TES: variants seen among roughly 807,000 people sequenced by gnomAD.
The protein encoded by TES is testin LIM domain protein, also known as testin.
In TES, 41 loss-of-function variants were observed where a neutral mutation model predicts 48.2. The observed-to-expected ratio is 0.85, with a 90% CI of 0.66 to 1.10. The LOEUF (loss-of-function observed/expected upper bound fraction) is 1.10. Ranked by LOEUF, TES falls within the 50% of genes least tolerant of loss-of-function variation. The probability of loss-of-function intolerance (pLI) is 0.00; values close to 1 mark genes in which losing one functional copy is unlikely to be tolerated. For missense variants in TES, 463 were observed against 515.1 expected, an observed-to-expected ratio of 0.90 and a Z score of 0.98; for synonymous variants, 162 against 174.9, an observed-to-expected ratio of 0.93 and a Z score of 0.58.
intron 2 of TES, among the ~76,000 whole-genome samples, chr7:116,242,985 C>T (rs1420935995): frequency 6.6e-6 from 1 of 151,948 alleles, no homozygotes; most frequent in East Asian, 1.9e-4. Context: ...GGGTTTGTTC[C>T]CCCCATGCCT....
At chr7:116,255,001 A>G (rs1181946933) in intron 6 of TES, 4 of 150,606 alleles carry the variant, frequency 2.7e-5, no homozygotes, top group East Asian at 2.0e-4. Context: ...TTTCATCTTA[A>G]AGAGAGAAAA....
intron 2 of TES, among the ~76,000 whole-genome samples, 153 bp downstream of exon 2, chr7:116,234,772 T>TTCTG (rs1799745559): frequency 6.6e-6 from 1 of 152,038 alleles, no homozygotes; most frequent in Middle Eastern, 3.4e-3. Flanking sequence ...ATAAAAAGTG[T>TTCTG]TCTGTCTTAC....
Position 116,250,439 on chromosome 7 carries a change from C to G in TES, c.645C>G (p.Thr215=), listed in dbSNP as rs751569919. 6.2e-7 allele frequency: 1 copy of G among 1,600,548 alleles called. No homozygotes were observed. The highest frequency in any genetic ancestry group is 8.5e-7 in the Non-Finnish European group (1 of 1,174,050). Residue 215 remains threonine, a synonymous_variant, in exon 4 of 7, where the codon ACC becomes ACG. Transcript: ENST00000358204. ...ACATTCCTGGAGGGGATAGAAGCAC[C>G]CCAGCAGCAGTGGGGGCCATGGAGG... ...QMNIPGGDRS[T]PAAVGAMEDK...
At chr7:116,255,223 GCT>G (rs1375947719) in intron 6 of TES, 1 of 152,168 alleles carries the variant, frequency 6.6e-6, no homozygotes, top group African/African-American at 2.4e-5. Flanking sequence ...GGTGTCATTA[GCT>G]CTTTTACATC....
intron 2 of TES, chr7:116,238,078 G>A (rs1284718615): frequency 6.6e-6 from 1 of 152,124 alleles, no homozygotes; most frequent in Non-Finnish European, 1.5e-5. Context: ...AAGTTGTTAG[G>A]AATCATTTTC....
rs532588179 is a variant in TES, at chr7:116,249,222, A to C, written c.316A>C (p.Ile106Leu). The C allele has an allele frequency of 2.5e-6, 4 of 1,614,112 alleles. No individual in the cohort carries two copies. The South Asian group carries it at 4.4e-5, about 18-fold the overall frequency. The change falls in exon 3 of 7, where the codon ATC becomes CTC. Residue 106 changes from isoleucine to leucine, a missense_variant. Physicochemically the swap from Ile to Leu is conservative, Grantham distance 5 (BLOSUM62 2). Transcript: ENST00000358204. ...AGTTGCTGCCAAGAAGAATGTCTCC[A>C]TCAATACAGTTACCTATGAGTGGGC... is the stretch of plus-strand genomic sequence containing the variant. ...NPVAAKKNVSINTVTYEWAPP... is the reference protein window; with the variant it reads ...NPVAAKKNVSLNTVTYEWAPP...
Position 116,257,507 on chromosome 7 carries a change from G to A in TES, c.*25G>A, listed in dbSNP as rs1563017505. On this transcript the variant is annotated 3_prime_UTR_variant, in exon 7 of 7. Transcript: ENST00000358204. ...GGAGGAGGGCACCCAGAAGTATCGA[G>A]CCATAGCTATCCAAAGTGGTCTGCA... 6 of 1,544,172 alleles carry A rather than the reference G, an allele frequency of 3.9e-6. No homozygotes were observed. Among genetic ancestry groups the A allele is most frequent in the Middle Eastern group, 1.8e-4 (1 of 5,618 alleles).
At chr7:116,221,506 A>C (rs1799557528) in intron 1 of TES, among the ~76,000 whole-genome samples, 1 of 152,158 alleles carries the variant, frequency 6.6e-6, no homozygotes, top group South Asian at 2.1e-4. Flanking sequence ...TACTTGGATC[A>C]GTAGAATGTG....
chr7:116,237,578 C>T (rs1799788220), intron 2 of TES, among the ~76,000 whole-genome samples: 1 of 152,116 alleles, frequency 6.6e-6, no homozygotes, highest in South Asian at 2.1e-4. Context: ...AAAACCCTAC[C>T]TCCCACCACT....
chr7:116,234,469 A>C, intron 1 of TES, 65 bp from the exon 2 acceptor site: 1 of 1,424,428 alleles, frequency 7.0e-7, no homozygotes, highest in South Asian at 1.2e-5. Flanking sequence ...TAAAAGTGCA[A>C]TTTATTGAAT....
intron 1 of TES, among the ~76,000 whole-genome samples, chr7:116,223,226 G>T (rs1015898686): frequency 2.0e-5 from 3 of 152,064 alleles, no homozygotes; most frequent in Non-Finnish European, 4.4e-5. Flanking sequence ...ATATTGTAAG[G>T]TTACATATTA....
At chr7:116,230,786 C>T (rs1333786742) in intron 1 of TES, among the ~76,000 whole-genome samples, 1 of 149,308 alleles carries the variant, frequency 6.7e-6, no homozygotes, top group Non-Finnish European at 1.5e-5. Flanking sequence ...TTTTTTGGCT[C>T]TTCCTTTGCC....
chr7:116,215,292 T>TA (rs1159145321), intron 1 of TES, among the ~76,000 whole-genome samples: 1 of 152,152 alleles, frequency 6.6e-6, no homozygotes, highest in African/African-American at 2.4e-5. Context: ...ATAACTGTTA[T>TA]AAAAAGAGAA....
chr7:116,217,835 T>G, intron 1 of TES: 1 of 516,612 alleles, frequency 1.9e-6, no homozygotes, highest in East Asian at 5.5e-5. Context: ...AGAGCTGCCA[T>G]TTAGCATGGT....
At chr7:116,210,886 C>A in intron 1 of TES, 152 bp downstream of exon 1, 1 of 553,172 alleles carries the variant, frequency 1.8e-6, no homozygotes, top group South Asian at 9.2e-5. Flanking sequence ...AGGGACCTGG[C>A]CCCCTGGGTA....
chr7:116,235,678 G>C (rs1799760912), intron 2 of TES, among the ~76,000 whole-genome samples: 1 of 151,748 alleles, frequency 6.6e-6, no homozygotes, highest in Admixed American at 6.5e-5. Flanking sequence ...AGAATTAGCA[G>C]GAAAAAAAAA....
intron 2 of TES, among the ~76,000 whole-genome samples, chr7:116,243,157 T>C (rs902130766): frequency 3.3e-5 from 5 of 152,168 alleles, no homozygotes; most frequent in African/African-American, 1.2e-4. Flanking sequence ...CTAATTTGAG[T>C]GTTTTAAACT....
At chr7:116,240,901 G>GTT (rs1370885769) in intron 2 of TES, among the ~76,000 whole-genome samples, 4 of 152,096 alleles carry the variant, frequency 2.6e-5, no homozygotes, top group Non-Finnish European at 5.9e-5. Context: ...GTTACTTATG[G>GTT]ATCATCTGAT....
At chr7:116,221,578 C>T (rs144714134) in intron 1 of TES, among the ~76,000 whole-genome samples, 14 of 152,286 alleles carry the variant, frequency 9.2e-5, no homozygotes, top group African/African-American at 3.1e-4. Context: ...TTCTATTGCT[C>T]TGTTGCTGGG....
Sources: gnomAD v4.1 joint callset for allele counts (sites outside exome capture counted in the v4.1 genomes callset) on GRCh38, gnomAD v4.1.1 for gene constraint, MANE v1.5 for transcripts, NCBI Gene and HGNC (gene_info 2026-07-23, HGNC 2026-07-21) for gene names.